ZNF442: variants seen among roughly 807,000 people sequenced by gnomAD.
The protein encoded by ZNF442 is zinc finger protein 442.
Under a neutral mutation model 57.0 loss-of-function variants are expected in ZNF442, and 45 were observed. The ratio of observed to expected loss-of-function variants is 0.79; its 90% CI spans 0.62 to 1.01. ZNF442 has a LOEUF of 1.01. Among genes scored for constraint, ZNF442 ranks in the 50% least tolerant of loss-of-function variants. The pLI, the probability that ZNF442 is intolerant of heterozygous loss-of-function variation, is 0.00. For missense variants in ZNF442, 690 were observed against 756.5 expected (o/e 0.91, Z 1.03); for synonymous variants, 213 against 241.8 (o/e 0.88, Z 1.10).
chr19:12,371,139 A>C, the ZNF442 span, among the ~76,000 whole-genome samples: 1 of 152,224 alleles, frequency 6.6e-6, no homozygotes. Context: ...AAAAGAAAGA[A>C]GCCAAACATC....
upstream of ZNF442, among the ~76,000 whole-genome samples, chr19:12,369,241 T>A (rs574725539): frequency 2.6e-5 from 4 of 152,254 alleles, no homozygotes; most frequent in East Asian, 3.9e-4. Flanking sequence ...AGCAGCTAGA[T>A]ATGGGAAGGG....
At position 12,348,902 on chromosome 19, in the gene ZNF442, G is replaced by A. The variant is rs1969167585; in HGVS notation, c.*799C>T. The A allele has an allele frequency of 6.6e-6, 1 of 151,476 alleles. No individual in the cohort carries two copies. The highest frequency in any genetic ancestry group is 2.1e-4 in the South Asian group (1 of 4,812). 9.4% of individuals were successfully genotyped at this position (151,476 alleles called of 1,614,324 possible). A position where few individuals can be genotyped will look rare whatever the true frequency, so the allele number is the denominator to read the frequency against. On this transcript the variant is annotated 3_prime_UTR_variant, in exon 6 of 6. Coordinates refer to ENST00000242804, the MANE Select transcript of ZNF442 (RefSeq NM_030824.3). ...TATGATTGTTGAAAAAAAAGAAACT[G>A]TAGATTACAGGCTCATGCCTGTAAT...
chr19:12,358,025 C>T (rs1291661713), intron 3 of ZNF442, among the ~76,000 whole-genome samples: 7 of 150,478 alleles, frequency 4.7e-5, no homozygotes, highest in East Asian at 3.9e-4. Context: ...TGCAATGGCG[C>T]GATCTCGGCT....
rs375632226 is a variant in ZNF442 at position 12,349,513 on chromosome 19, C to T, written c.*188G>A. ...CAAATGTCCTTTTATAAAAGGAACA[C>T]AGCATCTGTGGATTTAGGTATGCTT... On this transcript the variant is annotated 3_prime_UTR_variant, in exon 6 of 6. Coordinates refer to ENST00000242804, the MANE Select transcript of ZNF442 (RefSeq NM_030824.3). The T allele has an allele frequency of 9.8e-5, 51 of 520,856 alleles. 1 individual carries two copies. The highest frequency in any genetic ancestry group is 3.3e-4 in the African/African-American group (17 of 52,074). The allele number at this position is 520,856 out of a possible 1,614,324, so 32.3% of individuals were successfully genotyped here. A position where few individuals can be genotyped will look rare whatever the true frequency, so the allele number is the denominator to read the frequency against.
chr19:12,354,758 T>C (rs960061265), intron 3 of ZNF442, among the ~76,000 whole-genome samples: 3 of 152,222 alleles, frequency 2.0e-5, no homozygotes, highest in African/African-American at 7.2e-5. Context: ...ATGATTCATT[T>C]CAACTTAACG....
the ZNF442 span, among the ~76,000 whole-genome samples, chr19:12,372,776 G>A: frequency 6.6e-6 from 1 of 152,110 alleles, no homozygotes; most frequent in African/African-American, 2.4e-5. Flanking sequence ...ATTTGGATGT[G>A]AGTTTTCTTT....
chr19:12,364,407 C>CAAAAAA (rs35227073), intron 2 of ZNF442, among the ~76,000 whole-genome samples: 1 of 93,154 alleles, frequency 1.1e-5, no homozygotes, highest in African/African-American at 4.0e-5. Context: ...AACTCCATCT[C>CAAAAAA]AAAAAAAAAA....
At chr19:12,364,686 C>T (rs1415326183) in intron 2 of ZNF442, 116 bp downstream of exon 2, 3 of 152,278 alleles carry the variant, frequency 2.0e-5, no homozygotes, top group Non-Finnish European at 2.9e-5. Flanking sequence ...GAAGAGGAAT[C>T]AGTCACCCTG....
chr19:12,354,169 A>C (rs186322250), intron 3 of ZNF442, among the ~76,000 whole-genome samples: 6 of 152,322 alleles, frequency 3.9e-5, no homozygotes, highest in African/African-American at 1.4e-4. Flanking sequence ...AACTTTTCAA[A>C]ATGTTTATTG....
At chr19:12,363,692 G>A in intron 2 of ZNF442, 21 bp from the exon 3 acceptor site, 2 of 1,476,902 alleles carry the variant, frequency 1.4e-6, no homozygotes, top group South Asian at 1.1e-5. Flanking sequence ...GGAAGAACAA[G>A]GTGATTGTCC....
rs571741120 is a variant in ZNF442, at chr19:12,362,686, G to A, written c.78+868C>T. Among the ~76,000 whole-genome samples, 570 of 151,756 alleles carry A rather than the reference G, an allele frequency of 3.8e-3. 3 individuals are homozygous for A. The highest frequency in any genetic ancestry group is 0.013 in the African/African-American group (546 of 41,220). ...TGGGAGGTGGGGGGCCCCTCTGCCC[G>A]GCCGCCACCCCGTCTGGGAGGTGTA... On this transcript the variant is annotated intron_variant, in intron 3 of 5. Coordinates refer to ENST00000242804, the MANE Select transcript of ZNF442 (RefSeq NM_030824.3).
At chr19:12,352,407 G>A (rs1969256076) in intron 4 of ZNF442, among the ~76,000 whole-genome samples, 2 of 151,818 alleles carry the variant, frequency 1.3e-5, no homozygotes, top group Admixed American at 1.3e-4. Context: ...TAGTAGAGAC[G>A]GGGTTTCAGG....
chr19:12,370,697 G>T (rs1969573345), upstream of ZNF442, among the ~76,000 whole-genome samples: 1 of 152,024 alleles, frequency 6.6e-6, no homozygotes, highest in Non-Finnish European at 1.5e-5. Context: ...ATTAGCGGCT[G>T]GGCATGGTGG....
Position 12,349,346 on chromosome 19 carries a change from T to G in ZNF442, c.*355A>C, listed in dbSNP as rs1969175001. Reference sequence around the variant, plus strand: ...TCTAAAAAAAATACAATAAAATGACTGTTTACATAGCTTTTACAACACATG... The same window carrying G: ...TCTAAAAAAAATACAATAAAATGACGGTTTACATAGCTTTTACAACACATG... On this transcript the variant is annotated 3_prime_UTR_variant, in exon 6 of 6. Coordinates refer to ENST00000242804, the MANE Select transcript of ZNF442 (RefSeq NM_030824.3). The G allele has an allele frequency of 5.6e-6, 1 of 178,698 alleles. No homozygotes were observed. Among genetic ancestry groups the G allele is most frequent in the African/African-American group, 2.4e-5 (1 of 42,090 alleles). 11.1% of individuals were successfully genotyped at this position (178,698 alleles called of 1,614,324 possible). A position where few individuals can be genotyped will look rare whatever the true frequency, so the allele number is the denominator to read the frequency against.
upstream of ZNF442, among the ~76,000 whole-genome samples, chr19:12,366,384 G>C (rs1969530619): frequency 6.6e-6 from 1 of 152,174 alleles, no homozygotes. Flanking sequence ...GGCAGATTCT[G>C]ACTCCTGAAG....
At chr19:12,372,972 C>T in the ZNF442 span, among the ~76,000 whole-genome samples, 2 of 152,166 alleles carry the variant, frequency 1.3e-5, no homozygotes, top group Non-Finnish European at 2.9e-5. Context: ...CAGGGTTTCA[C>T]CATGTTGGCC....
the ZNF442 span, among the ~76,000 whole-genome samples, chr19:12,372,374 G>A: frequency 1.3e-4 from 19 of 151,854 alleles, no homozygotes; most frequent in African/African-American, 4.6e-4. Flanking sequence ...CAGGAGAATC[G>A]CTTGAACCTA....
intron 3 of ZNF442, among the ~76,000 whole-genome samples, chr19:12,356,636 A>AAAAAAAAG (rs1032081069): frequency 1.3e-5 from 2 of 151,664 alleles, no homozygotes; most frequent in African/African-American, 4.9e-5. Flanking sequence ...TCAAAAAAAA[A>AAAAAAAAG]AGAGAGAGAG....
At chr19:12,363,297 A>G (rs1467837991) in intron 3 of ZNF442, among the ~76,000 whole-genome samples, 1 of 152,154 alleles carries the variant, frequency 6.6e-6, no homozygotes. Context: ...TGAAGCTGAA[A>G]AGAGTGAGTA....
Sources: allele counts gnomAD v4.1 joint callset (sites outside exome capture counted in the v4.1 genomes callset), GRCh38; gene constraint gnomAD v4.1.1; transcripts MANE v1.5; gene names NCBI Gene and HGNC (gene_info 2026-07-23, HGNC 2026-07-21).